Variants in ADCY3 observed in about 807,000 individuals in gnomAD.
ADCY3 encodes the protein adenylate cyclase type 3.
In ADCY3, 70 loss-of-function variants were observed where a neutral mutation model predicts 119.4. The ratio of observed to expected loss-of-function variants is 0.59; its 90% CI spans 0.48 to 0.72. The LOEUF is 0.72. Ranked by LOEUF, ADCY3 falls within the 30% of genes least tolerant of loss-of-function variation. The probability of loss-of-function intolerance (pLI) is 0.00; values close to 1 mark genes in which losing one functional copy is unlikely to be tolerated. For missense variants in ADCY3, 1,238 were observed against 1,541.6 expected (o/e 0.80, Z 3.30); for synonymous variants, 672 against 621.4 (o/e 1.08, Z -1.21).
At chr2:24,847,901 G>A (rs565408655) in intron 3 of ADCY3, among the ~76,000 whole-genome samples, 1 of 152,338 alleles carries the variant, frequency 6.6e-6, no homozygotes, top group Non-Finnish European at 1.5e-5. Context: ...GCTGGGGCTG[G>A]GTTTCTCTGG....
intron 3 of ADCY3, among the ~76,000 whole-genome samples, chr2:24,870,007 C>T (rs943829943): frequency 1.3e-5 from 2 of 151,964 alleles, no homozygotes; most frequent in African/African-American, 4.8e-5. Flanking sequence ...TAGATTCCTT[C>T]TTACCCTTAA....
chr2:24,913,455 T>A (rs1232541403), intron 2 of ADCY3, among the ~76,000 whole-genome samples: 1 of 152,226 alleles, frequency 6.6e-6, no homozygotes, highest in African/African-American at 2.4e-5. Context: ...GAGGCCCAGA[T>A]GCCTGGGTTC....
chr2:24,838,347 G>A, intron 8 of ADCY3, 98 bp downstream of exon 8: 3 of 1,272,958 alleles, frequency 2.4e-6, no homozygotes, highest in Non-Finnish European at 3.2e-6. Context: ...GCTGGGTCCT[G>A]CCACCTCTTC....
intron 2 of ADCY3, among the ~76,000 whole-genome samples, chr2:24,874,222 C>A (rs576862550): frequency 1.3e-5 from 2 of 152,180 alleles, no homozygotes; most frequent in South Asian, 2.1e-4. Context: ...GGAGGTCAGG[C>A]GAGTCTCAGT....
In ADCY3 at chr2:24,834,420, C is replaced by A; in HGVS notation, c.1967+65G>T. The A allele has an allele frequency of 1.1e-6, 1 of 929,144 alleles. No individual in the cohort carries two copies. The highest frequency in any genetic ancestry group is 3.1e-5 in the East Asian group (1 of 31,904). 57.6% of individuals were successfully genotyped at this position (929,144 alleles called of 1,614,324 possible). On this transcript the variant is annotated intron_variant, in intron 11 of 21. Coordinates refer to ENST00000679454, the MANE Select transcript of ADCY3 (RefSeq NM_004036.5). This position sits in a 1 kb window ranked among gnomAD's most constrained non-coding sequence, Gnocchi z 4.2. The stretch of plus-strand genomic sequence containing the variant: ...TCAGGCTCCCGCTGAGACACCTGCC[C>A]CCGCCCCCCGCCCGGCACCACCGCA...
In ADCY3 at chr2:24,920,206, C is replaced by A. The variant is rs1472046187; in HGVS notation, c.-721G>T. ...GCGTGCTGCACAGCTATTCCCCGCG[C>A]GGCGCCGGCGGCTCCGGGGCCACGC... On this transcript the variant is annotated 5_prime_UTR_variant, in exon 1 of 22. Coordinates refer to ENST00000679454, the MANE Select transcript of ADCY3 (RefSeq NM_004036.5). The surrounding 1 kb of genome is among the most constrained non-coding windows in gnomAD (Gnocchi z 4.5). 6.8e-6 allele frequency among the ~76,000 whole-genome samples: 1 copy of A among 146,092 alleles called. No homozygotes were observed. The highest frequency in any genetic ancestry group is 2.5e-5 in the African/African-American group (1 of 40,644).
rs1667178389 is a variant in ADCY3, at chr2:24,819,363, C to T, written c.*569G>A. 6.6e-6 allele frequency: 1 copy of T among 152,530 alleles called. No homozygotes were observed. The highest frequency in any genetic ancestry group is 1.9e-4 in the East Asian group (1 of 5,202). The allele number at this position is 152,530 out of a possible 1,614,324, so 9.4% of individuals were successfully genotyped here. Reference sequence around the variant, plus strand: ...TATATTTTTCTTTCAGAAATAAATCCCCCCTCCCCTGCCAGGTGAAAGGAA... The same window carrying T: ...TATATTTTTCTTTCAGAAATAAATCTCCCCTCCCCTGCCAGGTGAAAGGAA... On this transcript the variant is annotated 3_prime_UTR_variant, in exon 22 of 22. Coordinates refer to ENST00000679454, the MANE Select transcript of ADCY3 (RefSeq NM_004036.5).
intron 3 of ADCY3, among the ~76,000 whole-genome samples, chr2:24,843,370 G>T (rs530844245): frequency 1.3e-5 from 2 of 152,292 alleles, no homozygotes; most frequent in African/African-American, 4.8e-5. Context: ...GTAGCTGGGA[G>T]TACAGGCATG....
chr2:24,871,351 G>A (rs1015821042), intron 3 of ADCY3, among the ~76,000 whole-genome samples: 56 of 152,330 alleles, frequency 3.7e-4, no homozygotes, highest in Middle Eastern at 3.4e-3. Context: ...GGGCGAATAC[G>A]ATGGGCTACT....
chr2:24,824,082 ACT>A (rs1184189107), intron 17 of ADCY3, among the ~76,000 whole-genome samples: 1 of 152,268 alleles, frequency 6.6e-6, no homozygotes, highest in Non-Finnish European at 1.5e-5. Context: ...GCTGGGAACC[ACT>A]CTGTTTGGAG....
chr2:24,871,011 G>T (rs1232286584), intron 3 of ADCY3, among the ~76,000 whole-genome samples: 1 of 152,192 alleles, frequency 6.6e-6, no homozygotes, highest in Non-Finnish European at 1.5e-5. Context: ...ACGGTTCAGT[G>T]TGAGTTAAGA....
chr2:24,909,181 C>T (rs562522560), intron 2 of ADCY3, among the ~76,000 whole-genome samples: 7 of 152,308 alleles, frequency 4.6e-5, no homozygotes, highest in Admixed American at 4.6e-4. Flanking sequence ...CCCCTACGTC[C>T]GTCCTGGTGG....
chr2:24,828,756 C>T (rs543858291), intron 13 of ADCY3, among the ~76,000 whole-genome samples: 6 of 152,232 alleles, frequency 3.9e-5, no homozygotes, highest in Admixed American at 6.5e-5. Context: ...GCGCGATTCC[C>T]GCCATGTCAT....
At chr2:24,863,145 T>C (rs1164253933) in intron 3 of ADCY3, among the ~76,000 whole-genome samples, 1 of 152,242 alleles carries the variant, frequency 6.6e-6, no homozygotes, top group Admixed American at 6.5e-5. Context: ...TTGATTGGAT[T>C]GAAGGATACA....
intron 2 of ADCY3, chr2:24,877,838 G>A (rs539304623): frequency 2.1e-4 from 96 of 468,008 alleles, no homozygotes; most frequent in Admixed American, 8.3e-4. Flanking sequence ...GCTGGCGCTC[G>A]AAGCCTTACT....
In ADCY3 at chr2:24,872,172, G is replaced by A. The variant is rs868175790; in HGVS notation, c.825+398C>T. 4.6e-5 allele frequency among the ~76,000 whole-genome samples: 7 copies of A among 152,368 alleles called. No homozygotes were observed. Among genetic ancestry groups the A allele is most frequent in the African/African-American group, 1.2e-4 (5 of 41,590 alleles). ...GCAAGAGTGGTGGTGGAGGCGTGAC[G>A]TGAAGGAATGCCCGTGATGCCCCTG... On this transcript the variant is annotated intron_variant, in intron 3 of 21. Coordinates refer to ENST00000679454, the MANE Select transcript of ADCY3 (RefSeq NM_004036.5). The surrounding 1 kb of genome is among the most constrained non-coding windows in gnomAD (Gnocchi z 4.4).
At chr2:24,821,444 T>C in intron 20 of ADCY3, 73 bp downstream of exon 20, 2 of 1,580,882 alleles carry the variant, frequency 1.3e-6, no homozygotes, top group Non-Finnish European at 1.7e-6. Context: ...GCCTCATGTC[T>C]CTCCTGGTGG....
Position 24,837,185 on chromosome 2 carries a change from T to C in ADCY3, c.1534-140A>G, listed in dbSNP as rs993132783. 2.6e-5 allele frequency: 26 copies of C among 1,007,296 alleles called. No individual in the cohort carries two copies. The East Asian group carries it at 6.2e-4, about 24-fold the overall frequency. The allele number at this position is 1,007,296 out of a possible 1,614,324, so 62.4% of individuals were successfully genotyped here. A position where few individuals can be genotyped will look rare whatever the true frequency, so the allele number is the denominator to read the frequency against. On this transcript the variant is annotated intron_variant, in intron 8 of 21. Coordinates refer to ENST00000679454, the MANE Select transcript of ADCY3 (RefSeq NM_004036.5). ...CAGAACTTGCTTGTGGATTGCAAAG[T>C]GAGGCGTCAAGGATGATTTCAAACT...
chr2:24,862,273 G>A (rs1012123356), intron 3 of ADCY3, among the ~76,000 whole-genome samples: 3 of 152,256 alleles, frequency 2.0e-5, no homozygotes, highest in African/African-American at 4.8e-5. Flanking sequence ...GTAGCCGGGC[G>A]CGGTGGCTCA....
Sources: gnomAD v4.1 joint callset for allele counts (sites outside exome capture counted in the v4.1 genomes callset) on GRCh38, gnomAD v4.1.1 for gene constraint, Gnocchi (gnomAD v3.1) non-coding constraint, MANE v1.5 for transcripts, NCBI Gene and HGNC (gene_info 2026-07-23, HGNC 2026-07-21) for gene names.